The following PTPRC variants were observed in gnomAD, a reference collection of about 807,000 sequenced individuals.
PTPRC encodes protein tyrosine phosphatase receptor type C, also known as receptor-type tyrosine-protein phosphatase C.
PTPRC carries 44 observed loss-of-function variants against 155.9 expected under a neutral mutation model. The ratio of observed to expected loss-of-function variants is 0.28; its 90% CI spans 0.22 to 0.36. PTPRC has a LOEUF of 0.36. Among genes scored for constraint, PTPRC ranks in the 10% least tolerant of loss-of-function variants. PTPRC has a pLI of 1.00. For synonymous variants in PTPRC, 525 were observed against 533.1 expected (o/e 0.98, Z 0.21); for missense variants, 1,401 against 1,564.6 (o/e 0.90, Z 1.76).
chr1:198,699,947 C>T, intron 5 of PTPRC: 3 of 594,188 alleles, frequency 5.0e-6, no homozygotes, highest in Non-Finnish European at 8.9e-6. Flanking sequence ...AAGAGTTATT[C>T]AGAATAGTCT....
intron 23 of PTPRC, among the ~76,000 whole-genome samples, chr1:198,739,198 C>A (rs1654784038): frequency 1.3e-5 from 2 of 151,304 alleles, no homozygotes; most frequent in African/African-American, 2.4e-5. Flanking sequence ...AAAGACATAA[C>A]AAAATGGCAG....
At chr1:198,671,265 A>G (rs1041074240) in intron 2 of PTPRC, among the ~76,000 whole-genome samples, 10 of 152,152 alleles carry the variant, frequency 6.6e-5, no homozygotes, top group South Asian at 4.1e-4. Flanking sequence ...CCTGTTTCCA[A>G]TAAATTAAAC....
chr1:198,692,029 GA>G (rs1385460000), intron 2 of PTPRC, among the ~76,000 whole-genome samples: 6 of 151,650 alleles, frequency 4.0e-5, no homozygotes, highest in Non-Finnish European at 7.4e-5. Flanking sequence ...ATGCATTTGG[GA>G]AAAAAAAGTT....
intron 3 of PTPRC, chr1:198,694,056 T>C (rs1666071661): frequency 6.5e-7 from 1 of 1,549,178 alleles, no homozygotes; most frequent in Non-Finnish European, 8.7e-7. Flanking sequence ...CCAATCCAAG[T>C]CACCAAACCT....
intron 26 of PTPRC, among the ~76,000 whole-genome samples, chr1:198,745,872 C>T (rs1655114778): frequency 6.6e-6 from 1 of 151,648 alleles, no homozygotes; most frequent in Non-Finnish European, 1.5e-5. Context: ...AAGTTGGAGA[C>T]TTTGATAGAA....
At chr1:198,748,045 T>C in intron 26 of PTPRC, 64 bp from the exon 27 acceptor site, 2 of 1,548,478 alleles carry the variant, frequency 1.3e-6, no homozygotes, top group South Asian at 2.4e-5. Context: ...GGGAGCATCT[T>C]ATGATGCAAT....
intron 32 of PTPRC, 116 bp downstream of exon 32, chr1:198,754,520 CTT>C (rs1289834586): frequency 8.3e-7 from 1 of 1,197,750 alleles, no homozygotes; most frequent in Non-Finnish European, 1.2e-6. Context: ...TTCCCCTTTC[CTT>C]TTCTCTTCTC....
At chr1:198,701,967 G>T (rs1244025920) in intron 5 of PTPRC, among the ~76,000 whole-genome samples, 1 of 152,308 alleles carries the variant, frequency 6.6e-6, no homozygotes, top group South Asian at 2.1e-4. Context: ...CATGTATCAA[G>T]TTGCACTTCC....
chr1:198,695,421 C>CA (rs11362541), intron 3 of PTPRC, among the ~76,000 whole-genome samples: 14 of 123,524 alleles, frequency 1.1e-4, no homozygotes, highest in East Asian at 2.2e-4. Context: ...ATATGTTAAG[C>CA]AAAAAAAAAA....
At chr1:198,701,201 G>A (rs1666443409) in intron 5 of PTPRC, among the ~76,000 whole-genome samples, 1 of 152,172 alleles carries the variant, frequency 6.6e-6, no homozygotes. Flanking sequence ...GGCTTTTGAA[G>A]ACTGAGCTGA....
chr1:198,697,633 C>G (rs72738038), intron 4 of PTPRC, among the ~76,000 whole-genome samples: 1,980 of 152,252 alleles, frequency 0.013, 22 homozygotes, highest in Non-Finnish European at 0.016. Context: ...CTCAGATTTA[C>G]CATCAGTAGA....
chr1:198,741,120 C>T (rs1414111929), intron 23 of PTPRC, among the ~76,000 whole-genome samples: 2 of 151,794 alleles, frequency 1.3e-5, no homozygotes, highest in Admixed American at 6.6e-5. Context: ...TAGATTGATG[C>T]CTATCTGGCT....
intron 20 of PTPRC, among the ~76,000 whole-genome samples, chr1:198,733,251 C>G (rs528049949): frequency 7.9e-5 from 12 of 151,640 alleles, no homozygotes; most frequent in Non-Finnish European, 1.8e-4. Flanking sequence ...GTGTCCTCAC[C>G]TACCAGAAAT....
rs145545019 is a variant in PTPRC, at chr1:198,748,037, G to A, written c.2848-72G>A. The A allele has an allele frequency of 3.5e-4, 533 of 1,530,352 alleles. 3 individuals are homozygous for A. The East Asian group carries it at 0.011, about 32-fold the overall frequency. The allele number at this position is 1,530,352 out of a possible 1,614,324, so 94.8% of individuals were successfully genotyped here. ...AATTAATGAAATGCTTTTCCTTAGG[G>A]AGCATCTTATGATGCAATAAGCCAA... On this transcript the variant is annotated intron_variant, in intron 26 of 32. Transcript: ENST00000442510.
At chr1:198,752,906 C>T (rs1655453512) in intron 31 of PTPRC, 134 bp downstream of exon 31, 2 of 892,354 alleles carry the variant, frequency 2.2e-6, no homozygotes, top group African/African-American at 1.7e-5. Flanking sequence ...GTCGGTCACT[C>T]TCTTGGTTGT....
At chr1:198,690,955 C>A (rs12078223) in intron 2 of PTPRC, among the ~76,000 whole-genome samples, 2,548 of 152,142 alleles carry the variant, frequency 0.017, 66 homozygotes, top group African/African-American at 0.058. Context: ...CATGTTAATG[C>A]ACCATGTTTA....
chr1:198,731,448 G>A (rs574044349), intron 17 of PTPRC, among the ~76,000 whole-genome samples, 169 bp from the exon 18 acceptor site: 18 of 152,070 alleles, frequency 1.2e-4, no homozygotes, highest in Non-Finnish European at 2.4e-4. Context: ...AGATTGAAAA[G>A]TCATTGATTT....
At chr1:198,648,380 G>C (rs1220233785) in intron 2 of PTPRC, among the ~76,000 whole-genome samples, 1 of 151,700 alleles carries the variant, frequency 6.6e-6, no homozygotes, top group Non-Finnish European at 1.5e-5. Context: ...GAGTTGTAGG[G>C]GGTGGGGTGA....
At chr1:198,717,183 A>T (rs1653634890) in intron 13 of PTPRC, among the ~76,000 whole-genome samples, 1 of 152,236 alleles carries the variant, frequency 6.6e-6, no homozygotes, top group Admixed American at 6.5e-5. Context: ...AATTGTAATC[A>T]GAAACCTAAC....
Sources: allele counts gnomAD v4.1 joint callset (sites outside exome capture counted in the v4.1 genomes callset), GRCh38; gene constraint gnomAD v4.1.1; transcripts MANE v1.5; gene names NCBI Gene and HGNC (gene_info 2026-07-23, HGNC 2026-07-21).